ZNF346: variants seen among roughly 807,000 people sequenced by gnomAD.
ZNF346 encodes the protein zinc finger protein 346.
ZNF346 carries 23 observed loss-of-function variants against 33.7 expected under a neutral mutation model. The observed-to-expected ratio is 0.68, with a 90% CI of 0.49 to 0.97. The LOEUF is 0.97. Ranked by LOEUF, ZNF346 falls within the 50% of genes least tolerant of loss-of-function variation. ZNF346 has a pLI of 0.00. For synonymous variants in ZNF346, 134 were observed against 142.4 expected, an observed-to-expected ratio of 0.94 and a Z score of 0.42; for missense variants, 340 against 371.1, an observed-to-expected ratio of 0.92 and a Z score of 0.69.
chr5:177,072,575 C>T (rs1783558566), downstream of ZNF346, among the ~76,000 whole-genome samples: 1 of 152,176 alleles, frequency 6.6e-6, no homozygotes, highest in African/African-American at 2.4e-5. Flanking sequence ...GGAGGCCGGG[C>T]TCGGTGGCTC....
intron 1 of ZNF346, among the ~76,000 whole-genome samples, chr5:177,024,059 G>A (rs183435909): frequency 2.7e-5 from 4 of 147,184 alleles, no homozygotes; most frequent in South Asian, 4.2e-4. Context: ...GTGTGTATGC[G>A]TATATATAAT....
chr5:177,077,832 G>C lies in ZNF346; in HGVS notation c.*3-1550G>C, dbSNP rs954841783. 4.1e-4 allele frequency among the ~76,000 whole-genome samples: 63 copies of C among 152,268 alleles called. No homozygotes were observed. The highest frequency in any genetic ancestry group is 1.2e-3 in the African/African-American group (48 of 41,570). ...GGGTTTTAATGTCCAGTTTAGGGTG[G>C]CCAGGAGGGATCTGAAAGAAAAAGG... On this transcript the variant is annotated intron_variant, in intron 8 of 8. Transcript: ENST00000503039. The surrounding 1 kb of genome is among the most constrained non-coding windows in gnomAD (Gnocchi z 5.0).
At chr5:177,041,970 C>G in intron 3 of ZNF346, 100 bp downstream of exon 3, 1 of 687,998 alleles carries the variant, frequency 1.5e-6, no homozygotes, top group Non-Finnish European at 2.5e-6. Flanking sequence ...CAAATCCTGG[C>G]CCTGTTGTGT....
intron 5 of ZNF346, among the ~76,000 whole-genome samples, chr5:177,057,684 G>A (rs1477657201): frequency 6.6e-6 from 1 of 151,018 alleles, no homozygotes; most frequent in Non-Finnish European, 1.5e-5. Context: ...ATTGTGGTGA[G>A]CCAAGATTGT....
chr5:177,060,090 A>C (rs1581944717), intron 5 of ZNF346, among the ~76,000 whole-genome samples: 1 of 152,160 alleles, frequency 6.6e-6, no homozygotes, highest in South Asian at 2.1e-4. Flanking sequence ...GCGGGCCTTC[A>C]CCCTGAGAGC....
At chr5:177,072,667 G>A (rs1379899561), downstream of ZNF346, among the ~76,000 whole-genome samples, 1 of 152,196 alleles carries the variant, frequency 6.6e-6, no homozygotes, top group Non-Finnish European at 1.5e-5. Context: ...TGGCCAACAT[G>A]ATGAAACCCT....
rs1780790618 is a variant in ZNF346, at chr5:177,051,031, T to C, written c.703+95T>C. 1.0e-5 allele frequency: 10 copies of C among 956,670 alleles called. No homozygotes were observed. The Admixed American group carries it at 1.9e-4, about 19-fold the overall frequency. 59.3% of individuals were successfully genotyped at this position (956,670 alleles called of 1,614,324 possible). ...CGTTGTGCTTTTCCTCCTTAGGTCT[T>C]GTAAGTAGGGTTTGCGAACTCAGAT... On this transcript the variant is annotated intron_variant, in intron 5 of 6. Coordinates refer to ENST00000358149, the MANE Select transcript of ZNF346 (RefSeq NM_012279.4).
At chr5:177,034,886 C>T (rs139095995) in intron 1 of ZNF346, among the ~76,000 whole-genome samples, 2 of 152,358 alleles carry the variant, frequency 1.3e-5, no homozygotes, top group African/African-American at 4.8e-5. Flanking sequence ...TCCAGCAGAG[C>T]TGTGAAGGAG....
chr5:177,039,827 T>C (rs1351635708), intron 1 of ZNF346, among the ~76,000 whole-genome samples: 1 of 152,118 alleles, frequency 6.6e-6, no homozygotes, highest in Admixed American at 6.5e-5. Flanking sequence ...GGGCCTGCCC[T>C]CCTCTCCCAG....
chr5:177,028,271 C>T (rs568342367), intron 1 of ZNF346, among the ~76,000 whole-genome samples: 2 of 149,916 alleles, frequency 1.3e-5, no homozygotes, highest in South Asian at 4.2e-4. Context: ...ACTCCTCGAA[C>T]TCTAAAGTGA....
chr5:177,027,296 G>A (rs946603595), intron 1 of ZNF346, among the ~76,000 whole-genome samples: 1 of 151,968 alleles, frequency 6.6e-6, no homozygotes, highest in African/African-American at 2.4e-5. Flanking sequence ...CAGGTGATCC[G>A]CCTCAGCCTC....
At chr5:177,071,901 C>T (rs1337438663), downstream of ZNF346, among the ~76,000 whole-genome samples, 2 of 152,150 alleles carry the variant, frequency 1.3e-5, no homozygotes, top group Non-Finnish European at 2.9e-5. Context: ...GCAGACCCGT[C>T]CCCGGCCTGT....
At chr5:177,031,998 C>CTT (rs34021834) in intron 1 of ZNF346, among the ~76,000 whole-genome samples, 6 of 67,838 alleles carry the variant, frequency 8.8e-5, no homozygotes, top group African/African-American at 9.1e-5. Context: ...TTTCTTTTTT[C>CTT]TTTTTTTTTT....
At chr5:177,028,715 T>C (rs1251021256) in intron 1 of ZNF346, among the ~76,000 whole-genome samples, 17 of 117,908 alleles carry the variant, frequency 1.4e-4, no homozygotes, top group South Asian at 5.9e-4. Flanking sequence ...TTCTTTTTTT[T>C]TTTTTTTTTT....
At position 177,041,795 on chromosome 5, in the gene ZNF346, C is replaced by G; in HGVS notation, c.297C>G (p.Asn99Lys). The change falls in exon 3 of 7, where the codon AAC (asparagine) becomes AAG (lysine). Residue 99 changes from asparagine to lysine, a missense_variant. Physicochemically the swap from Asn to Lys is moderately conservative, Grantham distance 94. Transcript: ENST00000358149. ...TTTTGCAGAGCAAAAAACATGCCAACAAAGTGAAGAGATACCTAGCAATCC... is the reference window on the plus strand; with the variant it reads ...TTTTGCAGAGCAAAAAACATGCCAAGAAAGTGAAGAGATACCTAGCAATCC... ...LAHYQSKKHANKVKRYLAIHG... is the reference protein window; with the variant it reads ...LAHYQSKKHAKKVKRYLAIHG... The G allele has an allele frequency of 1.2e-6, 2 of 1,613,016 alleles. No individual in the cohort carries two copies. Among genetic ancestry groups the G allele is most frequent in the Non-Finnish European group, 1.7e-6 (2 of 1,179,278 alleles).
exon 9 of ZNF346, chr5:177,080,276 T>G (rs1255506178): frequency 6.6e-6 from 1 of 152,250 alleles, no homozygotes; most frequent in East Asian, 1.9e-4. Context: ...AGTCCCTCCC[T>G]TTCGGTCACA....
intron 1 of ZNF346, among the ~76,000 whole-genome samples, chr5:177,026,439 A>G (rs1467160044): frequency 1.4e-5 from 2 of 141,892 alleles, no homozygotes; most frequent in East Asian, 4.2e-4. Context: ...AGCTCACTGC[A>G]GCCTCCCTGT....
At chr5:177,054,412 T>A (rs1202710417) in intron 5 of ZNF346, among the ~76,000 whole-genome samples, 1 of 151,656 alleles carries the variant, frequency 6.6e-6, no homozygotes, top group Non-Finnish European at 1.5e-5. Flanking sequence ...TATTTTGTTT[T>A]TTTGAGATGG....
At chr5:177,061,447 AAAAG>A (rs1782542077) in intron 5 of ZNF346, among the ~76,000 whole-genome samples, 1 of 152,150 alleles carries the variant, frequency 6.6e-6, no homozygotes, top group African/African-American at 2.4e-5. Context: ...CCGTCTCAAA[AAAAG>A]AAAAGAAAAG....
Sources: allele counts gnomAD v4.1 joint callset (sites outside exome capture counted in the v4.1 genomes callset), GRCh38; gene constraint gnomAD v4.1.1; non-coding constraint Gnocchi (gnomAD v3.1); transcripts MANE v1.5; gene names NCBI Gene and HGNC (gene_info 2026-07-23, HGNC 2026-07-21).